Variants in SYNE4 observed in about 807,000 individuals in gnomAD.
SYNE4 encodes the protein spectrin repeat containing nuclear envelope family member 4.
SYNE4 carries 41 observed loss-of-function variants against 46.9 expected under a neutral mutation model. The ratio of observed to expected loss-of-function variants is 0.87; its 90% confidence interval spans 0.68 to 1.13. The LOEUF (loss-of-function observed/expected upper bound fraction) is 1.13, where lower values mean the gene tolerates loss of function less well. SYNE4 is among the 50% of genes most tolerant of loss of function. The probability of loss-of-function intolerance (pLI) is 0.00; values close to 1 mark genes in which losing one functional copy is unlikely to be tolerated. For missense variants in SYNE4, 492 were observed against 514.8 expected (o/e 0.96, Z 0.43); for synonymous variants, 221 against 219.5 (o/e 1.01, Z -0.06).
rs768227934 is a variant in SYNE4 at position 36,007,109 on chromosome 19, G to C, written c.423+16C>G. 10 of 1,593,202 alleles carry C rather than the reference G, an allele frequency of 6.3e-6. No individual in the cohort carries two copies. The highest frequency in any genetic ancestry group is 8.5e-6 in the Non-Finnish European group (10 of 1,170,482). On this transcript the variant is annotated intron_variant, in intron 3 of 7. Coordinates refer to ENST00000324444, the MANE Select transcript of SYNE4 (RefSeq NM_001039876.3). ...GGGGCCGTGCCCACCCCCACATCCTGGCCTCTCCTGCCTACCTGCAGCTGC... is the reference window on the plus strand; with the variant it reads ...GGGGCCGTGCCCACCCCCACATCCTCGCCTCTCCTGCCTACCTGCAGCTGC...
intron 6 of SYNE4, among the ~76,000 whole-genome samples, chr19:36,004,972 G>T (rs1473129645): frequency 6.7e-6 from 1 of 149,052 alleles, no homozygotes; most frequent in Non-Finnish European, 1.5e-5. Context: ...CCGCCTCCCG[G>T]GCTCAAGCGA....
At chr19:36,005,505 G>T in intron 5 of SYNE4, 68 bp from the exon 6 acceptor site, 1 of 1,424,818 alleles carries the variant, frequency 7.0e-7, no homozygotes. Context: ...ATAGAGATGA[G>T]ATTCTGGGGG....
chr19:36,006,815 C>T lies in SYNE4; in HGVS notation c.553G>A (p.Ala185Thr), dbSNP rs1479553421. 1.2e-6 allele frequency: 2 copies of T among 1,607,754 alleles called. No homozygotes were observed. The highest frequency in any genetic ancestry group is 1.7e-6 in the Non-Finnish European group (2 of 1,177,884). The change falls in exon 4 of 8, where the codon GCT becomes ACT. Residue 185 changes from alanine to threonine, a missense_variant. Transcript: ENST00000324444. ...ALEQILRALG[A>T]YRDSIFRRLW... ...CGCCGGAAGATGGAGTCTCGGTAAG[C>T]TCCCAGGGCCCGCAGGATCTGCTCC... is the stretch of plus-strand genomic sequence containing the variant.
intron 5 of SYNE4, chr19:36,005,762 T>G: frequency 4.5e-6 from 1 of 223,962 alleles, no homozygotes. Flanking sequence ...CTTATGCCTG[T>G]AATCCCAGCA....
Position 36,005,337 on chromosome 19 carries a change from G to C in SYNE4, c.968C>G (p.Pro323Arg). The change falls in exon 6 of 8, where the codon CCT (proline) becomes CGT (arginine). Residue 323 changes from proline (P) to arginine (R), a missense_variant. Coordinates refer to ENST00000324444, the MANE Select transcript of SYNE4 (RefSeq NM_001039876.3). ...RHQRHSLLRK[P>R]QDKKRQASPH... ...CCTGGTTGAGAACTGGCTCACCTGA[G>C]GCTTCCGGAGCAGGGAGTGTCTTTG... 6.2e-7 allele frequency: 1 copy of C among 1,614,094 alleles called. No homozygotes were observed. Among genetic ancestry groups the C allele is most frequent in the Non-Finnish European group, 8.5e-7 (1 of 1,179,988 alleles).
Position 36,007,249 on chromosome 19 carries a change from TC to T in SYNE4, c.298del (p.Glu100ArgfsTer3). On this transcript the variant is annotated frameshift_variant, in exon 3 of 8. Coordinates refer to ENST00000324444, the MANE Select transcript of SYNE4 (RefSeq NM_001039876.3). LOFTEE classifies it high-confidence loss of function. Reference sequence around the variant, plus strand: ...GCTGTTCTGCTCAGCCTCTAGTACCTCCAGGCCAGAAATGGGGTGCTGGGGA... The same window carrying T: ...GCTGTTCTGCTCAGCCTCTAGTACCTCAGGCCAGAAATGGGGTGCTGGGGA... ...KHCEHPISGL[E>X]VLEAEQNSLH... 6.3e-7 allele frequency: 1 copy of T among 1,598,784 alleles called. No homozygotes were observed. The highest frequency in any genetic ancestry group is 8.5e-7 in the Non-Finnish European group (1 of 1,173,226).
In SYNE4 at chr19:36,006,510, G is replaced by A; in HGVS notation, c.780C>T (p.Pro260=). The A allele has an allele frequency of 6.2e-7, 1 of 1,610,128 alleles. No homozygotes were observed. The highest frequency in any genetic ancestry group is 8.5e-7 in the Non-Finnish European group (1 of 1,178,248). The change falls in exon 5 of 8, where the codon CCC becomes CCT. Residue 260 remains proline, a synonymous_variant. Coordinates refer to ENST00000324444, the MANE Select transcript of SYNE4 (RefSeq NM_001039876.3). ...GTGTCCGGGCTGTCTTTTGTCCCAA[G>A]GGCCCAAGGCCCCCAATGTCCCCCG... is the stretch of plus-strand genomic sequence containing the variant. The part of the protein sequence containing the change: ...DPAGDIGGLG[P]LGQKTARTLG...
chr19:36,003,346 G>A lies in SYNE4; in HGVS notation c.1206C>T (p.Pro402=), dbSNP rs779354181. The A allele has an allele frequency of 1.7e-5, 27 of 1,614,078 alleles. No individual in the cohort carries two copies. The highest frequency in any genetic ancestry group is 2.1e-5 in the Non-Finnish European group (25 of 1,180,010). The change falls in exon 8 of 8, where the codon CCC becomes CCT. Residue 402 remains proline (P), a synonymous_variant. Transcript: ENST00000324444. ...CCATTTATTACACACATCAGACTGG[G>A]GGAAGACCATTGACATAGCTGAGCA... is the stretch of plus-strand genomic sequence containing the variant. The part of the protein sequence containing the change: ...YLVLSYVNGL[P]PV
At position 36,006,494 on chromosome 19, in the gene SYNE4, C is replaced by T. The variant is rs534293996; in HGVS notation, c.796G>A (p.Ala266Thr). ...GGLGPLGQKT[A>T]RTLGVPCELC... ...TCACAGGGCACTCCTAGTGTCCGGG[C>T]TGTCTTTTGTCCCAAGGGCCCAAGG... The change falls in exon 5 of 8, where the codon GCC becomes ACC. Residue 266 changes from alanine to threonine, a missense_variant. Coordinates refer to ENST00000324444, the MANE Select transcript of SYNE4 (RefSeq NM_001039876.3). The T allele has an allele frequency of 1.9e-6, 3 of 1,611,780 alleles. No homozygotes were observed. Among genetic ancestry groups the T allele is most frequent in the Middle Eastern group, 1.7e-4 (1 of 5,996 alleles).
chr19:36,007,063 G>T (rs1027781451), intron 3 of SYNE4, 62 bp downstream of exon 3: 1 of 1,563,606 alleles, frequency 6.4e-7, no homozygotes, highest in African/African-American at 1.4e-5. Flanking sequence ...TTCCCATCCC[G>T]GAAAGCTGGC....
chr19:36,005,654 G>A (rs1424996610), intron 5 of SYNE4: 1 of 524,258 alleles, frequency 1.9e-6, no homozygotes, highest in East Asian at 3.3e-5. Flanking sequence ...TGAGGACACA[G>A]TGGGGATGGA....
chr19:36,003,478 A>G lies in SYNE4; in HGVS notation c.1074T>C (p.Leu358=), dbSNP rs1192758532. 1 of 1,608,856 alleles carries G rather than the reference A, an allele frequency of 6.2e-7. No homozygotes were observed. The highest frequency in any genetic ancestry group is 8.5e-7 in the Non-Finnish European group (1 of 1,177,460). Residue 358 remains leucine (L), a synonymous_variant, in exon 8 of 8, where the codon CTT becomes CTC. Transcript: ENST00000324444. ...PASRQPLTFL[L]ILFLLFLLLV... is the part of the protein sequence containing the mutation. ...GGAGGAGGAAGAGGAGGAAGAGGAT[A>G]AGGAGGAAGGTCAGAGGCTGCCTGG...
Position 36,006,460 on chromosome 19 carries a change from C to G in SYNE4, c.830G>C (p.Gly277Ala). Residue 277 changes from glycine to alanine, a missense_variant, in exon 5 of 8, where the codon GGC becomes GCC. Coordinates refer to ENST00000324444, the MANE Select transcript of SYNE4 (RefSeq NM_001039876.3). ...RTLGVPCELC[G>A]QRGPQGRGQG... is the part of the protein sequence containing the mutation. ...TCCCCTGCCCTGGGGCCCCCTCTGGCCACACAGCTCACAGGGCACTCCTAG... is the reference window on the plus strand; with the variant it reads ...TCCCCTGCCCTGGGGCCCCCTCTGGGCACACAGCTCACAGGGCACTCCTAG... 6.2e-7 allele frequency: 1 copy of G among 1,612,406 alleles called. No individual in the cohort carries two copies. Among genetic ancestry groups the G allele is most frequent in the South Asian group, 1.1e-5 (1 of 90,848 alleles).
At chr19:36,005,100 T>A (rs1189686126) in intron 6 of SYNE4, among the ~76,000 whole-genome samples, 1 of 151,982 alleles carries the variant, frequency 6.6e-6, no homozygotes, top group East Asian at 1.9e-4. Flanking sequence ...ACTCCTGACC[T>A]CAGGTAATCC....
chr19:36,003,595 A>G lies in SYNE4; in HGVS notation c.1031+18T>C. The G allele has an allele frequency of 1.9e-6, 3 of 1,611,956 alleles. No homozygotes were observed. Among genetic ancestry groups the G allele is most frequent in the Admixed American group, 1.7e-5 (1 of 59,736 alleles). ...GCTCTGTCCCCCACACCCTAGTCCC[A>G]TCTCTCAGGCACCTCACCCTGGATT... is the stretch of plus-strand genomic sequence containing the variant. On this transcript the variant is annotated intron_variant, in intron 7 of 7. Transcript: ENST00000324444.
At position 36,008,353 on chromosome 19, in the gene SYNE4, T is replaced by C. The variant is rs1160269805; in HGVS notation, c.143A>G (p.Gln48Arg). The C allele has an allele frequency of 1.3e-6, 2 of 1,561,192 alleles. No homozygotes were observed. Among genetic ancestry groups the C allele is most frequent in the Non-Finnish European group, 1.7e-6 (2 of 1,151,180 alleles). Residue 48 changes from glutamine (Q) to arginine (R), a missense_variant, in exon 2 of 8, where the codon CAG becomes CGG. By Grantham distance (43) the Gln-to-Arg change is conservative (BLOSUM62 1). Transcript: ENST00000324444. ...GCCCAAGGAGTCCTGTCCCAGGGTC[T>C]GGGCCTGCTCTGGGCTAGGAGGCAG... ...GEESTSPEQA[Q>R]TLGQDSLGPP...
At chr19:36,005,548 G>A in intron 5 of SYNE4, 111 bp from the exon 6 acceptor site, 1 of 924,218 alleles carries the variant, frequency 1.1e-6, no homozygotes, top group East Asian at 2.6e-5. Context: ...GACAAAGGCA[G>A]AGCCAAAGAA....
In SYNE4 at chr19:36,003,514, G is replaced by C. The variant is rs946956684; in HGVS notation, c.1038C>G (p.Pro346=). Residue 346 remains proline, a synonymous_variant, in exon 8 of 8, where the codon CCC becomes CCG. Coordinates refer to ENST00000324444, the MANE Select transcript of SYNE4 (RefSeq NM_001039876.3). ...DVRLEGNPGA[P]DPASRQPLTF... ...TCAGAGGCTGCCTGGATGCAGGATC[G>C]GGGGCCCTGTGAAGGGAAATGCAGT... is the stretch of plus-strand genomic sequence containing the variant. 1.9e-6 allele frequency: 3 copies of C among 1,598,266 alleles called. No individual in the cohort carries two copies. Among genetic ancestry groups the C allele is most frequent in the African/African-American group, 2.7e-5 (2 of 74,498 alleles).
At position 36,006,613 on chromosome 19, in the gene SYNE4, C is replaced by T; in HGVS notation, c.677G>A (p.Trp226Ter). ...QDLEVEGDSD[W>*]PGPGGVWGPW... is the part of the protein sequence containing the mutation. ...CCCCCAGACCCCACCAGGTCCTGGC[C>T]AGTCCGAGTCTCCCTCGACCTCCAA... Residue 226 changes from tryptophan to a stop codon, truncating the protein, a stop_gained, in exon 5 of 8, where the codon TGG (tryptophan) becomes TAG (stop). Transcript: ENST00000324444. LOFTEE classifies it high-confidence loss of function. 6.2e-7 allele frequency: 1 copy of T among 1,610,164 alleles called. No individual in the cohort carries two copies. Among genetic ancestry groups the T allele is most frequent in the Non-Finnish European group, 8.5e-7 (1 of 1,178,232 alleles).
Sources: allele counts gnomAD v4.1 joint callset (sites outside exome capture counted in the v4.1 genomes callset), GRCh38; gene constraint gnomAD v4.1.1; transcripts MANE v1.5; gene names NCBI Gene and HGNC (gene_info 2026-07-23, HGNC 2026-07-21).